CCDC93: variants seen among roughly 807,000 people sequenced by gnomAD.
CCDC93 encodes the protein coiled-coil domain-containing protein 93.
Under a neutral mutation model 108.2 loss-of-function variants are expected in CCDC93, and 61 were observed. That is an observed-to-expected ratio of 0.56 (90% CI 0.46 to 0.70). CCDC93 has a LOEUF of 0.70. Among genes scored for constraint, CCDC93 ranks in the 30% least tolerant of loss-of-function variants. The pLI is 0.00. For missense variants in CCDC93, 685 were observed against 764.2 expected (o/e 0.90, Z 1.22); for synonymous variants, 276 against 260.4 (o/e 1.06, Z -0.58).
intron 12 of CCDC93, 56 bp from the exon 13 acceptor site, chr2:117,952,491 ATGTGAATTTCAC>A: frequency 8.1e-7 from 1 of 1,235,274 alleles, no homozygotes. Context: ...GACAACACAG[ATGTGAATTTCAC>A]AGATGAGAAA....
At chr2:118,011,641 T>A (rs1442440337) in intron 1 of CCDC93, among the ~76,000 whole-genome samples, 1 of 152,044 alleles carries the variant, frequency 6.6e-6, no homozygotes, top group African/African-American at 2.4e-5. Flanking sequence ...GTTCAATCAT[T>A]TATTATGAAA....
At position 117,977,954 on chromosome 2, in the gene CCDC93, T is replaced by C. The variant is rs1001358600; in HGVS notation, c.657+40A>G. 2.5e-6 allele frequency: 4 copies of C among 1,582,998 alleles called. No individual in the cohort carries two copies. In the African/African-American group the frequency reaches 4.0e-5, roughly 16 times the overall value. On this transcript the variant is annotated intron_variant, in intron 8 of 23. Transcript: ENST00000376300. ...TCAGAGGTGAAGGGAGTCACTTCCATCTCTCAAGTATTCTCTCTTACTATC... is the reference window on the plus strand; with the variant it reads ...TCAGAGGTGAAGGGAGTCACTTCCACCTCTCAAGTATTCTCTCTTACTATC...
At position 117,973,936 on chromosome 2, in the gene CCDC93, T is replaced by A; in HGVS notation, c.860A>T (p.Lys287Met). 1 of 1,612,418 alleles carries A rather than the reference T, an allele frequency of 6.2e-7. No individual in the cohort carries two copies. The highest frequency in any genetic ancestry group is 1.1e-5 in the South Asian group (1 of 90,598). The change falls in exon 11 of 24, where the codon AAG becomes ATG. Residue 287 changes from lysine to methionine, a missense_variant. Lys to Met is a moderately conservative substitution (Grantham distance 95, BLOSUM62 -1). Transcript: ENST00000376300. The part of the protein sequence containing the change: ...QIVGLCSAEI[K>M]QIVSEYAEKQ... ...CTCTGCATACTCGGACACAATCTGC[T>A]TGATCTCAGCAGAGCAGAGTCCCAC...
intron 7 of CCDC93, among the ~76,000 whole-genome samples, chr2:117,982,051 C>A (rs1558794454): frequency 6.6e-6 from 1 of 152,128 alleles, no homozygotes; most frequent in Non-Finnish European, 1.5e-5. Context: ...ATAGGAGACA[C>A]AAACAGGTTG....
chr2:117,974,887 G>T lies in CCDC93; in HGVS notation c.764C>A (p.Ser255Ter), dbSNP rs779620059. Residue 255 changes from serine to a stop codon, truncating the protein, a stop_gained, in exon 10 of 24, where the codon TCG becomes TAG. Transcript: ENST00000376300. LOFTEE classifies it high-confidence loss of function. ...LRAAEEQRIQSLMTKMTAMAN... is the reference protein window; with the variant it reads ...LRAAEEQRIQ ...CATAGCGGTCATCTTGGTCATCAGC[G>T]ACTGAATACGCTGCTGAAAGAGGAA... The T allele has an allele frequency of 6.4e-7, 1 of 1,565,866 alleles. No individual in the cohort carries two copies. Among genetic ancestry groups the T allele is most frequent in the South Asian group, 1.2e-5 (1 of 85,052 alleles).
At chr2:118,013,878 G>T in intron 1 of CCDC93, 76 bp downstream of exon 1, 1 of 1,373,092 alleles carries the variant, frequency 7.3e-7, no homozygotes, top group Non-Finnish European at 9.9e-7. Context: ...CCCAGGGCCC[G>T]CTCAGCCCGC....
intron 2 of CCDC93, among the ~76,000 whole-genome samples, chr2:118,007,540 G>C (rs1367324449): frequency 6.6e-6 from 1 of 152,100 alleles, no homozygotes; most frequent in African/African-American, 2.4e-5. Flanking sequence ...ATGGTGGCAG[G>C]CACCTGTAAT....
In CCDC93 at chr2:117,936,687, A is replaced by G. The variant is rs201061907; in HGVS notation, c.1643+15T>C. 3.3e-5 allele frequency: 53 copies of G among 1,606,618 alleles called. No homozygotes were observed. The highest frequency in any genetic ancestry group is 5.3e-5 in the African/African-American group (4 of 74,772). ...CGGCAGGGTATTAGTGGGAAGGAGG[A>G]CTGACAGTACTTACTGTGAGAAGTT... On this transcript the variant is annotated intron_variant, in intron 21 of 23. Coordinates refer to ENST00000376300, the MANE Select transcript of CCDC93 (RefSeq NM_019044.5).
chr2:118,002,864 T>G (rs553788135), intron 3 of CCDC93, among the ~76,000 whole-genome samples: 1 of 152,106 alleles, frequency 6.6e-6, no homozygotes, highest in Admixed American at 6.5e-5. Flanking sequence ...TAGTAAGACC[T>G]TGTCTGCATA....
In CCDC93 at chr2:117,958,462, T is replaced by C; in HGVS notation, c.908A>G (p.Glu303Gly). Reference protein sequence around the residue: ...YAEKQSELSAEESPEKLGTSQ... With the variant: ...YAEKQSELSAGESPEKLGTSQ... ...GGTTCCTAATTTTTCTGGACTTTCT[T>C]CAGCTGATAGCTCAGACTGCTGTGG... The change falls in exon 12 of 24, where the codon GAA (glutamate) becomes GGA (glycine). Residue 303 changes from glutamate to glycine, a missense_variant. Coordinates refer to ENST00000376300, the MANE Select transcript of CCDC93 (RefSeq NM_019044.5). The C allele has an allele frequency of 6.2e-7, 1 of 1,608,550 alleles. No individual in the cohort carries two copies. Among genetic ancestry groups the C allele is most frequent in the Non-Finnish European group, 8.5e-7 (1 of 1,174,888 alleles).
At chr2:117,995,565 C>T (rs983720723) in intron 5 of CCDC93, 63 bp from the exon 6 acceptor site, 55 of 1,150,740 alleles carry the variant, frequency 4.8e-5, no homozygotes, top group Non-Finnish European at 6.7e-5. Context: ...AAGTGGACCA[C>T]TCAGATATGT....
intron 4 of CCDC93, 70 bp from the exon 5 acceptor site, chr2:117,996,432 C>T: frequency 2.0e-6 from 2 of 993,740 alleles, no homozygotes; most frequent in East Asian, 2.4e-5. Context: ...CCAGTTCAGA[C>T]ATGGCCCAAC....
At chr2:117,978,137 T>C (rs984960025) in intron 7 of CCDC93, 107 bp from the exon 8 acceptor site, 20 of 982,212 alleles carry the variant, frequency 2.0e-5, no homozygotes, top group Middle Eastern at 2.1e-4. Context: ...AGAGAATTTA[T>C]GCCATTTGGT....
chr2:117,936,929 A>G (rs1046133000), intron 20 of CCDC93, 190 bp from the exon 21 acceptor site: 6 of 582,664 alleles, frequency 1.0e-5, no homozygotes, highest in Non-Finnish European at 1.6e-5. Context: ...TCCTCAGGGA[A>G]TCCACCTTCT....
intron 3 of CCDC93, among the ~76,000 whole-genome samples, chr2:118,001,486 T>C (rs2104823828): frequency 6.6e-6 from 1 of 152,018 alleles, no homozygotes; most frequent in East Asian, 1.9e-4. Flanking sequence ...CCTTTAATTT[T>C]TTGATACTCT....
intron 4 of CCDC93, chr2:117,999,531 A>G (rs1680768634): frequency 6.6e-6 from 1 of 152,222 alleles, no homozygotes; most frequent in Non-Finnish European, 1.5e-5. Context: ...AACACACCTG[A>G]GTCCCTTTGC....
At chr2:117,976,146 G>T (rs1019123137) in intron 8 of CCDC93, among the ~76,000 whole-genome samples, 1 of 152,132 alleles carries the variant, frequency 6.6e-6, no homozygotes, top group Admixed American at 6.5e-5. Context: ...CACTGCCCAT[G>T]GGAACACTCC....
At chr2:117,998,849 A>T (rs572002077) in intron 4 of CCDC93, 1 of 152,380 alleles carries the variant, frequency 6.6e-6, no homozygotes, top group African/African-American at 2.4e-5. Flanking sequence ...TCCTATTTTC[A>T]TAAAAATGAT....
chr2:117,999,968 T>A (rs1401640894), intron 4 of CCDC93: 1 of 151,942 alleles, frequency 6.6e-6, no homozygotes, highest in South Asian at 2.1e-4. Context: ...GTTTGGGAGC[T>A]GTACAGCACG....
Sources: gnomAD v4.1 joint callset for allele counts (sites outside exome capture counted in the v4.1 genomes callset) on GRCh38, gnomAD v4.1.1 for gene constraint, MANE v1.5 for transcripts, NCBI Gene and HGNC (gene_info 2026-07-23, HGNC 2026-07-21) for gene names.